The following NR3C2 variants were observed in gnomAD, a reference collection of about 807,000 sequenced individuals.
The protein encoded by NR3C2 is mineralocorticoid receptor.
In NR3C2, 15 loss-of-function variants were observed where a neutral mutation model predicts 86.4. That is an observed-to-expected ratio of 0.17 (90% CI 0.12 to 0.27). NR3C2 has a LOEUF of 0.27. Among genes scored for constraint, NR3C2 ranks in the 10% least tolerant of loss-of-function variants. The pLI, the probability that NR3C2 is intolerant of heterozygous loss-of-function variation, is 1.00. For synonymous variants in NR3C2, 458 were observed against 450.5 expected, an observed-to-expected ratio of 1.02 and a Z score of -0.21; for missense variants, 960 against 1,195.6, an observed-to-expected ratio of 0.80 and a Z score of 2.91.
intron 6 of NR3C2, among the ~76,000 whole-genome samples, chr4:148,131,170 A>T (rs183767726): frequency 3.9e-5 from 6 of 152,202 alleles, no homozygotes; most frequent in Admixed American, 3.3e-4. Context: ...AGTTTAGTAA[A>T]CTGCCTCTAG....
At chr4:148,416,123 G>GA (rs1341453380) in intron 2 of NR3C2, among the ~76,000 whole-genome samples, 1 of 151,882 alleles carries the variant, frequency 6.6e-6, no homozygotes, top group African/African-American at 2.4e-5. Flanking sequence ...ATCATAATAA[G>GA]AAAAAAATAA....
chr4:148,396,297 A>C (rs530099197), intron 2 of NR3C2, among the ~76,000 whole-genome samples: 1 of 152,364 alleles, frequency 6.6e-6, no homozygotes, highest in African/African-American at 2.4e-5. Flanking sequence ...ATATGTTAGT[A>C]CTTACGAGTA....
chr4:148,163,512 C>T (rs1164056720), intron 4 of NR3C2, among the ~76,000 whole-genome samples: 3 of 152,084 alleles, frequency 2.0e-5, no homozygotes, highest in Non-Finnish European at 4.4e-5. Flanking sequence ...TCTCAGAATG[C>T]CTGCTTGAGA....
intron 2 of NR3C2, among the ~76,000 whole-genome samples, chr4:148,368,817 A>G (rs763902135): frequency 5.3e-5 from 8 of 152,172 alleles, no homozygotes; most frequent in Admixed American, 1.3e-4. Flanking sequence ...GTTAATCTCA[A>G]TTCATAAATC....
chr4:148,149,009 G>GT, intron 6 of NR3C2, among the ~76,000 whole-genome samples: 1 of 152,340 alleles, frequency 6.6e-6, no homozygotes, highest in Middle Eastern at 3.4e-3. Context: ...ATGGTACCCA[G>GT]TGATGGAGCT....
At chr4:148,299,536 A>G (rs1742228088) in intron 2 of NR3C2, among the ~76,000 whole-genome samples, 1 of 152,158 alleles carries the variant, frequency 6.6e-6, no homozygotes, top group East Asian at 1.9e-4. Flanking sequence ...TCCTGGCTGG[A>G]GCTGGGGCAC....
chr4:148,084,434 A>C (rs1026844755), intron 8 of NR3C2, among the ~76,000 whole-genome samples: 2 of 152,250 alleles, frequency 1.3e-5, no homozygotes, highest in African/African-American at 4.8e-5. Context: ...TAAGTGAAGG[A>C]GAAATAAAAT....
At chr4:148,343,622 C>T (rs1328169196) in intron 2 of NR3C2, among the ~76,000 whole-genome samples, 2 of 151,982 alleles carry the variant, frequency 1.3e-5, no homozygotes, top group African/African-American at 4.8e-5. Context: ...CAATTCAAAC[C>T]TATGTTTGCT....
In NR3C2 at chr4:148,155,953, C is replaced by T. The variant is rs566135205; in HGVS notation, c.2015-1052G>A. On this transcript the variant is annotated intron_variant, in intron 4 of 8. Transcript: ENST00000358102. ...AACAGAACAGAGCCCTCAGAAATAA[C>T]GCCACATATCGACAACTATCTGATC... is the stretch of plus-strand genomic sequence containing the variant. Among the ~76,000 whole-genome samples the T allele has an allele frequency of 3.4e-3, 523 of 152,132 alleles. 3 individuals carry two copies. Among genetic ancestry groups the T allele is most frequent in the African/African-American group, 7.0e-3 (290 of 41,492 alleles).
chr4:148,171,911 C>T (rs1020543134), intron 4 of NR3C2, among the ~76,000 whole-genome samples: 1 of 152,098 alleles, frequency 6.6e-6, no homozygotes, highest in African/African-American at 2.4e-5. Context: ...GGTGTTCCTC[C>T]CACCTGAAAT....
intron 4 of NR3C2, among the ~76,000 whole-genome samples, chr4:148,185,534 T>C (rs1436416483): frequency 1.3e-5 from 2 of 152,144 alleles, no homozygotes; most frequent in Non-Finnish European, 2.9e-5. Flanking sequence ...ATAGGCAATA[T>C]GGGTACACAA....
In NR3C2 at chr4:148,152,747, A is replaced by G. The variant is rs1057036285; in HGVS notation, c.2366-134T>C. ...TTTTCTGACAGACTCAAATCAATTC[A>G]ACAGTCATTTACAGAGTGCCCACCA... is the stretch of plus-strand genomic sequence containing the variant. On this transcript the variant is annotated intron_variant, in intron 5 of 8. Transcript: ENST00000358102. The G allele has an allele frequency of 5.9e-6, 5 of 852,998 alleles. No homozygotes were observed. The Admixed American group carries it at 8.1e-5, about 14-fold the overall frequency. The allele number at this position is 852,998 out of a possible 1,614,324, so 52.8% of individuals were successfully genotyped here.
chr4:148,325,126 GAGAGAGAAT>G (rs1005647936), intron 2 of NR3C2, among the ~76,000 whole-genome samples: 1 of 127,332 alleles, frequency 7.9e-6, no homozygotes, highest in African/African-American at 3.7e-5. Context: ...GAGAGAGAGG[GAGAGAGAAT>G]GAGAGAGAGA....
rs150602538 is a variant in NR3C2, at chr4:148,308,918, G to C, written c.1758-48801C>G. On this transcript the variant is annotated intron_variant, in intron 2 of 8. Transcript: ENST00000358102. The stretch of plus-strand genomic sequence containing the variant: ...GGATCACTTGAGCCTGAAAGGTGGA[G>C]GTTGCAGTGAGCTGTGATCATGCCA... 3.2e-4 allele frequency among the ~76,000 whole-genome samples: 49 copies of C among 152,244 alleles called. No homozygotes were observed. The East Asian group carries it at 8.9e-3, about 28-fold the overall frequency.
intron 2 of NR3C2, among the ~76,000 whole-genome samples, chr4:148,292,264 C>T (rs1255511970): frequency 6.6e-6 from 1 of 151,836 alleles, no homozygotes; most frequent in Non-Finnish European, 1.5e-5. Flanking sequence ...TCACTTTATA[C>T]ACATAAAATC....
At chr4:148,370,557 G>A (rs1011892535) in intron 2 of NR3C2, among the ~76,000 whole-genome samples, 2 of 152,078 alleles carry the variant, frequency 1.3e-5, no homozygotes, top group African/African-American at 4.8e-5. Context: ...AGAAACAGAC[G>A]TGTATTGTTA....
chr4:148,107,281 A>G (rs1473172961), intron 8 of NR3C2, among the ~76,000 whole-genome samples: 1 of 152,196 alleles, frequency 6.6e-6, no homozygotes. Flanking sequence ...AAATGCAAAT[A>G]AAAACCACGA....
At chr4:148,398,692 C>T (rs1292819892) in intron 2 of NR3C2, among the ~76,000 whole-genome samples, 1 of 152,214 alleles carries the variant, frequency 6.6e-6, no homozygotes, top group South Asian at 2.1e-4. Flanking sequence ...TTACTGAATG[C>T]TCCGTATGTA....
chr4:148,230,737 A>G (rs994372494), intron 3 of NR3C2, among the ~76,000 whole-genome samples: 4 of 152,210 alleles, frequency 2.6e-5, no homozygotes, highest in African/African-American at 9.6e-5. Flanking sequence ...ATGCTCAGTT[A>G]TAACCATGCA....
Sources: allele counts gnomAD v4.1 joint callset (sites outside exome capture counted in the v4.1 genomes callset), GRCh38; gene constraint gnomAD v4.1.1; transcripts MANE v1.5; gene names NCBI Gene and HGNC (gene_info 2026-07-23, HGNC 2026-07-21).